DPY19L3: variants seen among roughly 807,000 people sequenced by gnomAD.
DPY19L3 encodes protein C-mannosyl-transferase DPY19L3.
In DPY19L3, 51 loss-of-function variants were observed where a neutral mutation model predicts 92.3. The observed-to-expected ratio is 0.55, with a 90% CI of 0.44 to 0.70. The LOEUF is 0.70. Ranked by LOEUF, DPY19L3 falls within the 30% of genes least tolerant of loss-of-function variation. DPY19L3 has a pLI of 0.00. For synonymous variants in DPY19L3, 309 were observed against 315.2 expected (o/e 0.98, Z 0.21); for missense variants, 706 against 855.9 (o/e 0.82, Z 2.18).
chr19:32,423,422 G>GTTTTTT (rs1599601418), intron 3 of DPY19L3, among the ~76,000 whole-genome samples: 10 of 48,550 alleles, frequency 2.1e-4, no homozygotes, highest in East Asian at 6.5e-4. Context: ...TTTTTTTTTG[G>GTTTTTT]TATTTTTAGT....
chr19:32,458,702 C>A (rs547248635), intron 12 of DPY19L3, among the ~76,000 whole-genome samples, 193 bp downstream of exon 12: 1 of 152,080 alleles, frequency 6.6e-6, no homozygotes, highest in South Asian at 2.1e-4. Context: ...AGATTGCATG[C>A]GGTCTGGGCT....
intron 10 of DPY19L3, among the ~76,000 whole-genome samples, chr19:32,456,183 C>T (rs1425373737): frequency 1.3e-5 from 2 of 149,874 alleles, no homozygotes; most frequent in African/African-American, 2.5e-5. Flanking sequence ...TTAGGTGATC[C>T]TCCCACCTCA....
chr19:32,437,432 A>G, intron 6 of DPY19L3, 93 bp downstream of exon 6: 10 of 1,443,704 alleles, frequency 6.9e-6, no homozygotes, highest in Non-Finnish European at 8.4e-6. Context: ...CTTCTGCCAC[A>G]TTTGTTTGGT....
In DPY19L3 at chr19:32,464,076, G is replaced by A; in HGVS notation, c.1557+96G>A. 4.8e-6 allele frequency: 3 copies of A among 619,218 alleles called. No homozygotes were observed. The East Asian group carries it at 8.8e-5, about 18-fold the overall frequency. The allele number at this position is 619,218 out of a possible 1,614,324, so 38.4% of individuals were successfully genotyped here. A position where few individuals can be genotyped will look rare whatever the true frequency, so the allele number is the denominator to read the frequency against. On this transcript the variant is annotated intron_variant, in intron 14 of 18. Transcript: ENST00000392250. Reference sequence around the variant, plus strand: ...TTTTTCAGTAGCTGTGAGATAAAATGGATACTGAAATTGAAGCTGAAAATA... The same window carrying A: ...TTTTTCAGTAGCTGTGAGATAAAATAGATACTGAAATTGAAGCTGAAAATA...
Position 32,482,296 on chromosome 19 carries a change from A to G in DPY19L3, c.*56A>G. On this transcript the variant is annotated 3_prime_UTR_variant, in exon 19 of 19. Transcript: ENST00000392250. ...TACGGAGAAACTGCATCATGATGAA[A>G]CTCAATAGATGACGTTTCCTATGTA... 2 of 1,574,482 alleles carry G rather than the reference A, an allele frequency of 1.3e-6. No homozygotes were observed. The highest frequency in any genetic ancestry group is 2.4e-5 in the South Asian group (2 of 84,632).
At chr19:32,444,031 T>C (rs1463291546) in intron 8 of DPY19L3, among the ~76,000 whole-genome samples, 1 of 96,072 alleles carries the variant, frequency 1.0e-5, no homozygotes, top group African/African-American at 4.7e-5. Context: ...CAAGACTCTG[T>C]CTCAAAAAAA....
At chr19:32,410,643 C>T (rs972308826) in intron 2 of DPY19L3, among the ~76,000 whole-genome samples, 6 of 152,050 alleles carry the variant, frequency 3.9e-5, no homozygotes, top group African/African-American at 1.4e-4. Flanking sequence ...ATTAGCCAGG[C>T]ATGGTGGCAT....
At chr19:32,420,443 G>GT (rs111783797) in intron 3 of DPY19L3, among the ~76,000 whole-genome samples, 2,264 of 148,008 alleles carry the variant, frequency 0.015, 55 homozygotes, top group African/African-American at 0.051. Flanking sequence ...TAGTAGTTTT[G>GT]TTTTTTTTTG....
intron 3 of DPY19L3, among the ~76,000 whole-genome samples, chr19:32,428,560 TCTTG>T (rs948778582): frequency 6.6e-6 from 1 of 152,128 alleles, no homozygotes; most frequent in Non-Finnish European, 1.5e-5. Context: ...CTTAGAGGGT[TCTTG>T]CTAAAGGCAG....
At chr19:32,408,462 C>G in intron 2 of DPY19L3, 106 bp downstream of exon 2, 1 of 708,222 alleles carries the variant, frequency 1.4e-6, no homozygotes, top group Non-Finnish European at 2.4e-6. Flanking sequence ...ACAATTGAAA[C>G]TTGTTGTAGT....
chr19:32,464,112 A>G (rs1970128460), intron 14 of DPY19L3, 132 bp downstream of exon 14: 3 of 440,158 alleles, frequency 6.8e-6, no homozygotes, highest in Non-Finnish European at 8.1e-6. Flanking sequence ...CATAATTGAT[A>G]TATTAAGATT....
At chr19:32,461,146 A>G (rs1205451636) in intron 12 of DPY19L3, among the ~76,000 whole-genome samples, 3 of 152,208 alleles carry the variant, frequency 2.0e-5, no homozygotes, top group Non-Finnish European at 4.4e-5. Context: ...GATGACAGGC[A>G]TGAGCCACTG....
At chr19:32,410,371 A>G (rs1968136041) in intron 2 of DPY19L3, among the ~76,000 whole-genome samples, 1 of 152,208 alleles carries the variant, frequency 6.6e-6, no homozygotes, top group African/African-American at 2.4e-5. Flanking sequence ...TATATGTGCT[A>G]TCCATATTTT....
intron 8 of DPY19L3, among the ~76,000 whole-genome samples, chr19:32,452,067 CCTT>C (rs1432201031): frequency 2.0e-5 from 3 of 152,136 alleles, no homozygotes; most frequent in Non-Finnish European, 4.4e-5. Context: ...CTCAAGCAAT[CCTT>C]CTGTCTCAGC....
chr19:32,418,294 A>G (rs1046357188), intron 3 of DPY19L3, among the ~76,000 whole-genome samples: 12 of 152,162 alleles, frequency 7.9e-5, no homozygotes, highest in Non-Finnish European at 1.5e-4. Context: ...GAATCCTCCA[A>G]TGTTAGAACC....
rs765669069 is a variant in DPY19L3 at position 32,482,062 on chromosome 19, G to GT, written c.1990-14dup. On this transcript the variant is annotated splice_polypyrimidine_tract_variant and intron_variant, in intron 18 of 18. Coordinates refer to ENST00000392250, the MANE Select transcript of DPY19L3 (RefSeq NM_001172774.2). ...AATTTTCCCCCCAAATTGTATTTGG[G>GT]TTTGTTTTGGTTTTAGATGATGGAT... 6.2e-7 allele frequency: 1 copy of GT among 1,603,898 alleles called. No individual in the cohort carries two copies.
At chr19:32,425,358 C>G (rs1309039587) in intron 3 of DPY19L3, among the ~76,000 whole-genome samples, 2 of 151,964 alleles carry the variant, frequency 1.3e-5, no homozygotes, top group Non-Finnish European at 2.9e-5. Flanking sequence ...CAAGACCAGC[C>G]GGGCCAAAAT....
intron 8 of DPY19L3, among the ~76,000 whole-genome samples, chr19:32,441,068 C>T (rs899170908): frequency 6.6e-6 from 1 of 152,158 alleles, no homozygotes; most frequent in Non-Finnish European, 1.5e-5. Flanking sequence ...CCTATACACT[C>T]CTATAATCTT....
Position 32,482,119 on chromosome 19 carries a change from C to T in DPY19L3, c.2030C>T (p.Pro677Leu). Residue 677 changes from proline to leucine, a missense_variant, in exon 19 of 19, where the codon CCT becomes CTT. Coordinates refer to ENST00000392250, the MANE Select transcript of DPY19L3 (RefSeq NM_001172774.2). ...GPGENDPDLKPADHPRFCEEI... is the reference protein window; with the variant it reads ...GPGENDPDLKLADHPRFCEEI... ...GGAGAGAATGATCCTGATTTGAAACCTGCAGACCACCCTCGCTTCTGTGAA... is the reference window on the plus strand; with the variant it reads ...GGAGAGAATGATCCTGATTTGAAACTTGCAGACCACCCTCGCTTCTGTGAA... 1 of 1,613,836 alleles carries T rather than the reference C, an allele frequency of 6.2e-7. No homozygotes were observed. Among genetic ancestry groups the T allele is most frequent in the Non-Finnish European group, 8.5e-7 (1 of 1,179,842 alleles).
Sources: allele counts gnomAD v4.1 joint callset (sites outside exome capture counted in the v4.1 genomes callset), GRCh38; gene constraint gnomAD v4.1.1; transcripts MANE v1.5; gene names NCBI Gene and HGNC (gene_info 2026-07-23, HGNC 2026-07-21).